The following FCRL3 variants were observed in gnomAD, a reference collection of about 807,000 sequenced individuals.
FCRL3 encodes the protein Fc receptor-like protein 3.
In FCRL3, 89 loss-of-function variants were observed where a neutral mutation model predicts 75.0. The observed-to-expected ratio is 1.19, with a 90% CI of 1.00 to 1.42. FCRL3 has a LOEUF of 1.42. Among genes scored for constraint, FCRL3 ranks in the 40% most tolerant of loss-of-function variants. FCRL3 has a pLI of 0.00. For synonymous variants in FCRL3, 376 were observed against 348.5 expected (o/e 1.08, Z -0.88); for missense variants, 946 against 880.0 (o/e 1.07, Z -0.95).
rs554029600 is a variant in FCRL3 at position 157,691,579 on chromosome 1, G to A, written c.1412-1046C>T. ...GATAGAGGTGCCAAGTCCTGATATTGGAAGTGTAGAGTTCCTGCTAAATTG... is the reference window on the plus strand; with the variant it reads ...GATAGAGGTGCCAAGTCCTGATATTAGAAGTGTAGAGTTCCTGCTAAATTG... On this transcript the variant is annotated intron_variant, in intron 8 of 14. Transcript: ENST00000368184. 2.2e-4 allele frequency among the ~76,000 whole-genome samples: 33 copies of A among 152,330 alleles called. No homozygotes were observed. In the South Asian group the frequency reaches 6.6e-3, roughly 31 times the overall value.
chr1:157,690,767 T>TTA (rs1571205809), intron 8 of FCRL3, among the ~76,000 whole-genome samples: 1 of 152,298 alleles, frequency 6.6e-6, no homozygotes, highest in East Asian at 1.9e-4. Flanking sequence ...TAATGATACA[T>TTA]TATATCTCAA....
intron 10 of FCRL3, among the ~76,000 whole-genome samples, chr1:157,685,459 A>C (rs984135237): frequency 1.3e-5 from 2 of 152,124 alleles, no homozygotes; most frequent in Non-Finnish European, 2.9e-5. Flanking sequence ...CTACAAAAAA[A>C]CCTGGACAGT....
rs372618899 is a variant in FCRL3, at chr1:157,677,290, C to T, written c.*1420G>A. 27 of 988,330 alleles carry T rather than the reference C, an allele frequency of 2.7e-5. 1 individual carries two copies. Among genetic ancestry groups the T allele is most frequent in the Middle Eastern group, 5.2e-4 (1 of 1,938 alleles). The allele number at this position is 988,330 out of a possible 1,614,324, so 61.2% of individuals were successfully genotyped here. A position where few individuals can be genotyped will look rare whatever the true frequency, so the allele number is the denominator to read the frequency against. On this transcript the variant is annotated 3_prime_UTR_variant, in exon 15 of 15. Coordinates refer to ENST00000368184, the MANE Select transcript of FCRL3 (RefSeq NM_052939.4). ...TTATGGTGACCCTGTAGTGTATCTCCAGAAATGGTGATTGTTTGAATGCAT... is the reference window on the plus strand; with the variant it reads ...TTATGGTGACCCTGTAGTGTATCTCTAGAAATGGTGATTGTTTGAATGCAT...
chr1:157,683,066 A>T, intron 11 of FCRL3, 151 bp downstream of exon 11: 8 of 774,636 alleles, frequency 1.0e-5, no homozygotes, highest in Non-Finnish European at 1.5e-5. Context: ...TATAAGTGAA[A>T]GTGACATTCA....
intron 2 of FCRL3, among the ~76,000 whole-genome samples, chr1:157,700,227 C>T (rs1326254877): frequency 6.6e-6 from 1 of 152,106 alleles, no homozygotes; most frequent in Non-Finnish European, 1.5e-5. Context: ...TCCAAGTTTC[C>T]TATGAGGTGA....
chr1:157,685,987 G>A (rs1031347017), intron 10 of FCRL3, among the ~76,000 whole-genome samples: 6 of 152,024 alleles, frequency 3.9e-5, no homozygotes, highest in Non-Finnish European at 8.8e-5. Flanking sequence ...AACCAGGCAA[G>A]AGAAAGAAAT....
chr1:157,691,031 G>GTATC (rs1297657422), intron 8 of FCRL3, among the ~76,000 whole-genome samples: 5 of 151,684 alleles, frequency 3.3e-5, no homozygotes, highest in African/African-American at 1.2e-4. Flanking sequence ...ATGTATGTAT[G>GTATC]TATGTATCTA....
At chr1:157,682,027 T>C (rs1654884921) in intron 11 of FCRL3, among the ~76,000 whole-genome samples, 1 of 151,980 alleles carries the variant, frequency 6.6e-6, no homozygotes, top group Non-Finnish European at 1.5e-5. Context: ...GTTTTTTGGC[T>C]GCATAAATGT....
Position 157,700,586 on chromosome 1 carries a change from C to CT in FCRL3, c.-96-2dup. The CT allele has an allele frequency of 1.2e-6, 2 of 1,600,848 alleles. No homozygotes were observed. Among genetic ancestry groups the CT allele is most frequent in the Non-Finnish European group, 1.7e-6 (2 of 1,173,870 alleles). ...CAGGAAGCTGCTACTCAGATGAGAC[C>CT]TGCAAGAATCAGAAAAGGGAAGAAG... On this transcript the variant is annotated splice_acceptor_variant, in intron 1 of 14. Transcript: ENST00000368184. LOFTEE classifies it low-confidence loss of function (5UTR_SPLICE).
intron 11 of FCRL3, 22 bp from the exon 12 acceptor site, chr1:157,681,121 T>A (rs753367945): frequency 6.8e-7 from 1 of 1,477,348 alleles, no homozygotes; most frequent in East Asian, 2.4e-5. Context: ...GGGGAGAGAA[T>A]GGATTAAAAA....
chr1:157,681,124 A>T, intron 11 of FCRL3, 25 bp from the exon 12 acceptor site: 3 of 1,446,058 alleles, frequency 2.1e-6, no homozygotes, highest in Non-Finnish European at 2.8e-6. Flanking sequence ...GAGAGAATGG[A>T]TTAAAAAGTA....
Position 157,681,029 on chromosome 1 carries a change from G to C in FCRL3, c.1909C>G (p.His637Asp). The C allele has an allele frequency of 6.2e-7, 1 of 1,606,754 alleles. No homozygotes were observed. The highest frequency in any genetic ancestry group is 1.1e-5 in the South Asian group (1 of 89,660). The change falls in exon 12 of 15, where the codon CAC (histidine) becomes GAC (aspartate). Residue 637 changes from histidine (H) to aspartate (D), a missense_variant. Coordinates refer to ENST00000368184, the MANE Select transcript of FCRL3 (RefSeq NM_052939.4). Reference protein sequence around the residue: ...PSRIDPQEPTHSKPLAPMELE... With the variant: ...PSRIDPQEPTDSKPLAPMELE... The stretch of plus-strand genomic sequence containing the variant: ...TCCATTGGGGCTAGTGGTTTAGAGT[G>C]AGTGGGCTCTTGAGGGTCTATCCTG...
intron 13 of FCRL3, chr1:157,679,174 C>T (rs1468712188): frequency 1.6e-6 from 1 of 634,728 alleles, no homozygotes; most frequent in Non-Finnish European, 2.8e-6. Context: ...TGACTGTTTC[C>T]TCTGTTGGAT....
In FCRL3 at chr1:157,697,195, C is replaced by A; in HGVS notation, c.789G>T (p.Glu263Asp). 2 of 1,559,294 alleles carry A rather than the reference C, an allele frequency of 1.3e-6. No individual in the cohort carries two copies. Among genetic ancestry groups the A allele is most frequent in the Non-Finnish European group, 1.7e-6 (2 of 1,152,092 alleles). ...TTTTTTTGATGCTGTGAGTCACTGT[C>A]TCCACCTCACACCAGTAAGACCCTG... ...EDSGSYWCEV[E>D]TVTHSIKKRS... The change falls in exon 6 of 15, where the codon GAG becomes GAT. Residue 263 changes from glutamate to aspartate, a missense_variant. Coordinates refer to ENST00000368184, the MANE Select transcript of FCRL3 (RefSeq NM_052939.4).
In FCRL3 at chr1:157,700,529, C is replaced by T. The variant is rs529899849; in HGVS notation, c.-40G>A. 7 of 1,613,880 alleles carry T rather than the reference C, an allele frequency of 4.3e-6. No homozygotes were observed. The highest frequency in any genetic ancestry group is 1.3e-5 in the African/African-American group (1 of 75,026). The stretch of plus-strand genomic sequence containing the variant: ...CAGAGGGTTGGGAAAGTCTGTCTCA[C>T]CAAAAGCCCGACTTATCTCCAAGAA... On this transcript the variant is annotated 5_prime_UTR_variant, in exon 2 of 15. It adds an upstream start codon to the 5' untranslated region. Transcript: ENST00000368184.
At chr1:157,683,333 T>A in intron 10 of FCRL3, 89 bp from the exon 11 acceptor site, 1 of 1,468,044 alleles carries the variant, frequency 6.8e-7, no homozygotes, top group Non-Finnish European at 9.4e-7. Context: ...GAAATCAGAT[T>A]CATTCTAGAT....
At chr1:157,691,035 G>GTATCTATC (rs1009144042) in intron 8 of FCRL3, among the ~76,000 whole-genome samples, 28 of 151,664 alleles carry the variant, frequency 1.8e-4, no homozygotes, top group South Asian at 6.3e-4. Flanking sequence ...ATGTATGTAT[G>GTATCTATC]TATCTATCTA....
intron 8 of FCRL3, among the ~76,000 whole-genome samples, chr1:157,693,308 T>C (rs2101615433): frequency 6.9e-6 from 1 of 145,820 alleles, no homozygotes; most frequent in Admixed American, 6.8e-5. Context: ...AAATTCAACA[T>C]GCAGCACTTC....
At chr1:157,680,258 T>C (rs577163724) in intron 13 of FCRL3, among the ~76,000 whole-genome samples, 52 of 152,306 alleles carry the variant, frequency 3.4e-4, no homozygotes, top group Non-Finnish European at 6.2e-4. Flanking sequence ...TGGGTGTCAT[T>C]GAGGGCAGTT....
Sources: allele counts gnomAD v4.1 joint callset (sites outside exome capture counted in the v4.1 genomes callset), GRCh38; gene constraint gnomAD v4.1.1; transcripts MANE v1.5; gene names NCBI Gene and HGNC (gene_info 2026-07-23, HGNC 2026-07-21).